RCAN2: variants seen among roughly 807,000 people sequenced by gnomAD.
RCAN2 encodes calcipressin-2.
A neutral mutation model predicts 23.6 loss-of-function variants in RCAN2; 9 were observed. The observed-to-expected ratio is 0.38, with a 90% confidence interval of 0.23 to 0.67. The LOEUF is 0.67. Among genes scored for constraint, RCAN2 ranks in the 30% least tolerant of loss-of-function variants. The probability of loss-of-function intolerance (pLI) is 0.51; values close to 1 mark genes in which losing one functional copy is unlikely to be tolerated. For synonymous variants in RCAN2, 109 were observed against 115.7 expected (o/e 0.94, Z 0.37); for missense variants, 273 against 302.3 (o/e 0.90, Z 0.72).
chr6:46,354,897 ATGTGTGTGTGTGTGTGTGTG>A (rs6149559), intron 2 of RCAN2, among the ~76,000 whole-genome samples: 65 of 144,710 alleles, frequency 4.5e-4, no homozygotes, highest in South Asian at 2.8e-3. Flanking sequence ...AAGATTATAT[ATGTGTGTGTGTGTGTGTGTG>A]TGTGTGTGTG....
At chr6:46,345,617 C>T (rs1452928141) in intron 2 of RCAN2, among the ~76,000 whole-genome samples, 3 of 152,112 alleles carry the variant, frequency 2.0e-5, no homozygotes, top group Admixed American at 2.0e-4. Context: ...AGGAAGTCCA[C>T]AAGGTCAAAA....
intron 2 of RCAN2, among the ~76,000 whole-genome samples, chr6:46,406,607 C>T (rs750114280): frequency 1.3e-5 from 2 of 152,200 alleles, no homozygotes; most frequent in African/African-American, 4.8e-5. Flanking sequence ...TGTCAGCTCT[C>T]TTTTTTCTTA....
chr6:46,452,511 T>C (rs1213770176), intron 2 of RCAN2, among the ~76,000 whole-genome samples: 3 of 152,222 alleles, frequency 2.0e-5, no homozygotes, highest in African/African-American at 7.2e-5. Context: ...CCAGTTTCCC[T>C]AACAGAACAA....
intron 4 of RCAN2, among the ~76,000 whole-genome samples, chr6:46,234,117 G>A (rs903453011): frequency 6.6e-6 from 1 of 152,072 alleles, no homozygotes; most frequent in South Asian, 2.1e-4. Context: ...ACTCAGAATG[G>A]GAGGGCAAGC....
chr6:46,476,553 T>C (rs1439071758), intron 1 of RCAN2, among the ~76,000 whole-genome samples: 5 of 152,200 alleles, frequency 3.3e-5, no homozygotes, highest in Non-Finnish European at 7.3e-5. Context: ...TGGAAGTTTC[T>C]TTGTATCATG....
At chr6:46,426,178 C>T (rs1481019910) in intron 2 of RCAN2, among the ~76,000 whole-genome samples, 1 of 152,006 alleles carries the variant, frequency 6.6e-6, no homozygotes, top group Non-Finnish European at 1.5e-5. Flanking sequence ...GGATTACAGG[C>T]ATGAGCCACC....
chr6:46,263,015 T>C (rs1443314032), intron 2 of RCAN2, among the ~76,000 whole-genome samples: 1 of 152,222 alleles, frequency 6.6e-6, no homozygotes, highest in Non-Finnish European at 1.5e-5. Context: ...AAATGTGCCA[T>C]CATTAACTGG....
At chr6:46,416,161 T>C (rs887249090) in intron 2 of RCAN2, among the ~76,000 whole-genome samples, 1 of 152,002 alleles carries the variant, frequency 6.6e-6, no homozygotes, top group Non-Finnish European at 1.5e-5. Context: ...GAATTATCTC[T>C]CAATAAAGCT....
intron 2 of RCAN2, among the ~76,000 whole-genome samples, chr6:46,289,468 C>G (rs1369731613): frequency 6.6e-6 from 1 of 152,126 alleles, no homozygotes; most frequent in East Asian, 1.9e-4. Context: ...CCAGATTCAT[C>G]TGTTATAAGG....
chr6:46,286,769 G>A lies in RCAN2; in HGVS notation c.226-37873C>T, dbSNP rs183804135. On this transcript the variant is annotated intron_variant, in intron 2 of 4. Coordinates refer to ENST00000371374, the MANE Select transcript of RCAN2 (RefSeq NM_001251974.2). Reference sequence around the variant, plus strand: ...TGTAATCCCAGCACTTTGGGAGGCCGAGGCAGGTGGATCACCTGAGGTCAG... The same window carrying A: ...TGTAATCCCAGCACTTTGGGAGGCCAAGGCAGGTGGATCACCTGAGGTCAG... Among the ~76,000 whole-genome samples, 358 of 152,254 alleles carry A rather than the reference G, an allele frequency of 2.4e-3. 4 individuals carry two copies. Among genetic ancestry groups the A allele is most frequent in the African/African-American group, 8.3e-3 (344 of 41,548 alleles).
chr6:46,325,619 G>A (rs1433927741), intron 2 of RCAN2: 1 of 1,440,874 alleles, frequency 6.9e-7, no homozygotes. Context: ...GGCTCCTGGA[G>A]CCCGCTCCCA....
intron 2 of RCAN2, among the ~76,000 whole-genome samples, chr6:46,432,913 TAAG>T (rs1229033340): frequency 1.3e-5 from 2 of 152,174 alleles, no homozygotes; most frequent in Non-Finnish European, 2.9e-5. Flanking sequence ...CCTGAAAACA[TAAG>T]AATGTTTTTG....
At position 46,248,735 on chromosome 6, in the gene RCAN2, G is replaced by A. The variant is rs201620447; in HGVS notation, c.387C>T (p.Leu129=). 2 of 1,609,188 alleles carry A rather than the reference G, an allele frequency of 1.2e-6. No homozygotes were observed. The highest frequency in any genetic ancestry group is 1.1e-5 in the South Asian group (1 of 89,704). Residue 129 remains leucine (L), a synonymous_variant, in exon 3 of 5, where the codon CTC becomes CTT. Transcript: ENST00000371374. ...ETQFRGKKLK[L]YFAQVQTPET... ...ACAATTACCTTACCTGTGCAAAGTA[G>A]AGCTTTAATTTTTTCCCTCTGAATT...
At chr6:46,441,627 C>A (rs1467672595) in intron 2 of RCAN2, among the ~76,000 whole-genome samples, 1 of 152,036 alleles carries the variant, frequency 6.6e-6, no homozygotes, top group Non-Finnish European at 1.5e-5. Context: ...CTATCATGTA[C>A]CTGATCAGCA....
intron 2 of RCAN2, among the ~76,000 whole-genome samples, chr6:46,413,132 C>T (rs756569953): frequency 1.3e-5 from 2 of 152,078 alleles, no homozygotes; most frequent in Non-Finnish European, 2.9e-5. Context: ...CTGATACCCA[C>T]AGGAATTCTT....
chr6:46,331,923 T>G (rs1763986806), intron 2 of RCAN2, among the ~76,000 whole-genome samples: 1 of 152,212 alleles, frequency 6.6e-6, no homozygotes, highest in African/African-American at 2.4e-5. Context: ...ATTGGCTAGT[T>G]GCCTTATCCC....
rs1257024392 is a variant in RCAN2, at chr6:46,223,414, G to A, written c.572-113C>T. The A allele has an allele frequency of 4.2e-6, 4 of 953,262 alleles. No individual in the cohort carries two copies. The Admixed American group carries it at 9.1e-5, about 22-fold the overall frequency. The allele number at this position is 953,262 out of a possible 1,614,324, so 59.1% of individuals were successfully genotyped here. On this transcript the variant is annotated intron_variant, in intron 4 of 4. Transcript: ENST00000371374. ...CATTTTCCAGGGTCTCAGGAAGCCTGTGATCTTATGCAGGGATGGCACAGG... is the reference window on the plus strand; with the variant it reads ...CATTTTCCAGGGTCTCAGGAAGCCTATGATCTTATGCAGGGATGGCACAGG...
intron 2 of RCAN2, among the ~76,000 whole-genome samples, chr6:46,272,025 C>T (rs1767537169): frequency 6.6e-6 from 1 of 152,176 alleles, no homozygotes; most frequent in Admixed American, 6.5e-5. Flanking sequence ...TATCACAAAA[C>T]AATAACAGAT....
At chr6:46,280,231 T>C (rs975791626) in intron 2 of RCAN2, among the ~76,000 whole-genome samples, 3 of 152,172 alleles carry the variant, frequency 2.0e-5, no homozygotes, top group African/African-American at 7.2e-5. Context: ...TCATTTTGAA[T>C]TGGAGAAGTC....
Sources: gnomAD v4.1 joint callset for allele counts (sites outside exome capture counted in the v4.1 genomes callset) on GRCh38, gnomAD v4.1.1 for gene constraint, MANE v1.5 for transcripts, NCBI Gene and HGNC (gene_info 2026-07-23, HGNC 2026-07-21) for gene names.